USP9Y: variants seen among roughly 807,000 people sequenced by gnomAD.
USP9Y encodes ubiquitin specific peptidase 9 Y-linked.
USP9Y carries 41 observed loss-of-function variants against 53.1 expected under a neutral mutation model. That is an observed-to-expected ratio of 0.77 (90% CI 0.60 to 1.00). The LOEUF (loss-of-function observed/expected upper bound fraction) is 1.00, where lower values mean the gene tolerates loss of function less well. Among genes scored for constraint, USP9Y ranks in the 50% least tolerant of loss-of-function variants. The pLI is 0.00. For missense variants in USP9Y, 567 were observed against 535.8 expected (o/e 1.06, Z -0.58); for synonymous variants, 220 against 173.7 (o/e 1.27, Z -2.09).
At chrY:12,796,828 T>C in intron 27 of USP9Y, among the ~76,000 whole-genome samples, 1 of 33,318 alleles carries the variant, frequency 3.0e-5, no homozygotes, top group Admixed American at 2.7e-4. Context: ...CATTGCCGTA[T>C]TGGTTTTGGT....
intron 32 of USP9Y, 21 bp from the exon 33 acceptor site, chrY:12,818,399 A>G: frequency 2.6e-6 from 1 of 384,684 alleles, no homozygotes; most frequent in Non-Finnish European, 3.7e-6. Flanking sequence ...TAGCTCATCA[A>G]TAATGTCTTT....
chrY:12,778,678 A>G lies in USP9Y; in HGVS notation c.2953A>G (p.Thr985Ala). ...SSPDSSSDSSTASPGNHRNHY... is the reference protein window; with the variant it reads ...SSPDSSSDSSAASPGNHRNHY... Reference sequence around the variant, plus strand: ...TCCTGATAGCTCTTCCGATTCCTCAACTGCATCTCCTGGAAACCACCGTAA... The same window carrying G: ...TCCTGATAGCTCTTCCGATTCCTCAGCTGCATCTCCTGGAAACCACCGTAA... The change falls in exon 21 of 46, where the codon ACT (threonine) becomes GCT (alanine). Residue 985 changes from threonine to alanine, a missense_variant. Physicochemically the swap from Thr to Ala is moderately conservative, Grantham distance 58. Transcript: ENST00000338981. 2.5e-6 allele frequency: 1 copy of G among 397,163 alleles called. No homozygotes were observed.
intron 4 of USP9Y, 23 bp from the exon 5 acceptor site, chrY:12,722,085 T>A: frequency 2.7e-6 from 1 of 374,645 alleles, no homozygotes. Flanking sequence ...TAAAGCCTCT[T>A]TTTGTTTTAT....
At chrY:12,754,138 A>G (rs1034192915) in intron 12 of USP9Y, among the ~76,000 whole-genome samples, 3 of 30,753 alleles carry the variant, frequency 9.8e-5, no homozygotes, top group African/African-American at 3.8e-4. Context: ...GTATATATAT[A>G]TATGCCTATA....
chrY:12,714,819 C>G (rs1603195760), intron 3 of USP9Y, among the ~76,000 whole-genome samples: 4 of 32,386 alleles, frequency 1.2e-4, no homozygotes, highest in African/African-American at 4.8e-4. Flanking sequence ...TCTGTCTCTT[C>G]AAACAGTTTT....
intron 37 of USP9Y, 46 bp downstream of exon 37, chrY:12,841,179 G>A (rs1353462606): frequency 5.6e-6 from 2 of 354,866 alleles, no homozygotes; most frequent in East Asian, 2.0e-4. Context: ...TAGTTGTTTG[G>A]TTCTTTATTT....
chrY:12,743,761 A>T (rs750954714), intron 12 of USP9Y, among the ~76,000 whole-genome samples: 71 of 33,776 alleles, frequency 2.1e-3, no homozygotes, highest in Admixed American at 3.5e-3. Flanking sequence ...TGGGGCTATT[A>T]TAAACTGCTG....
At chrY:12,761,542 T>C (rs2053475367) in intron 15 of USP9Y, among the ~76,000 whole-genome samples, 2 of 33,794 alleles carry the variant, frequency 5.9e-5, no homozygotes, top group Non-Finnish European at 1.5e-4. Context: ...ACATTTTGTG[T>C]GCTGGAGCAC....
intron 13 of USP9Y, among the ~76,000 whole-genome samples, chrY:12,758,184 T>G (rs769863270): frequency 1.5e-3 from 49 of 33,664 alleles, no homozygotes; most frequent in Middle Eastern, 0.014. Flanking sequence ...CTCAATGAAA[T>G]GCAGTAGCCA....
At chrY:12,785,783 T>C in intron 22 of USP9Y, among the ~76,000 whole-genome samples, 2 of 33,959 alleles carry the variant, frequency 5.9e-5, no homozygotes, top group Non-Finnish European at 7.4e-5. Context: ...TTCCTAGCCA[T>C]TTATCTATTT....
At chrY:12,793,849 G>C in intron 27 of USP9Y, among the ~76,000 whole-genome samples, 1 of 32,717 alleles carries the variant, frequency 3.1e-5, no homozygotes, top group African/African-American at 1.2e-4. Flanking sequence ...ATTTTCAGGG[G>C]ATACTCTCTC....
At chrY:12,855,901 C>G (rs867266153) in intron 42 of USP9Y, among the ~76,000 whole-genome samples, 4 of 31,222 alleles carry the variant, frequency 1.3e-4, no homozygotes, top group Admixed American at 3.0e-4. Context: ...GAGCCACAAA[C>G]TACAATCATG....
intron 12 of USP9Y, among the ~76,000 whole-genome samples, chrY:12,748,110 C>T: frequency 3.1e-5 from 1 of 32,279 alleles, no homozygotes; most frequent in African/African-American, 1.2e-4. Flanking sequence ...AGCCGCACTG[C>T]GGCACTCCAG....
intron 12 of USP9Y, among the ~76,000 whole-genome samples, chrY:12,750,749 T>C: frequency 3.0e-5 from 1 of 33,412 alleles, no homozygotes; most frequent in Non-Finnish European, 7.4e-5. Flanking sequence ...GTGTATAATC[T>C]TTTTTTATAT....
intron 25 of USP9Y, 41 bp downstream of exon 25, chrY:12,790,573 C>T: frequency 2.8e-6 from 1 of 363,527 alleles, no homozygotes; most frequent in South Asian, 3.1e-5. Flanking sequence ...CTTGAATGAT[C>T]TCTACTTAAC....
At chrY:12,857,401 G>A in intron 44 of USP9Y, 165 bp from the exon 45 acceptor site, 1 of 136,648 alleles carries the variant, frequency 7.3e-6, no homozygotes, top group Non-Finnish European at 1.3e-5. Flanking sequence ...CACTGCACCC[G>A]GCCTGTTTTC....
chrY:12,723,393 TA>T (rs2053437738), intron 5 of USP9Y, among the ~76,000 whole-genome samples: 1 of 29,245 alleles, frequency 3.4e-5, no homozygotes, highest in African/African-American at 1.3e-4. Context: ...TATTTTATTT[TA>T]TTTTTTTTTT....
intron 3 of USP9Y, among the ~76,000 whole-genome samples, chrY:12,716,344 A>C (rs2053430674): frequency 2.9e-5 from 1 of 33,934 alleles, no homozygotes; most frequent in African/African-American, 1.2e-4. Flanking sequence ...TTTGTGGAGC[A>C]TGGATGTATT....
intron 7 of USP9Y, among the ~76,000 whole-genome samples, chrY:12,727,662 A>G (rs759738842): frequency 5.7e-4 from 19 of 33,539 alleles, no homozygotes; most frequent in Non-Finnish European, 1.1e-3. Context: ...CAGAAAAAGA[A>G]AATAGAACGT....
Sources: allele counts gnomAD v4.1 joint callset (sites outside exome capture counted in the v4.1 genomes callset), GRCh38; gene constraint gnomAD v4.1.1; transcripts MANE v1.5; gene names NCBI Gene and HGNC (gene_info 2026-07-23, HGNC 2026-07-21).